The following PPP2R1A variants were observed in gnomAD, a reference collection of about 807,000 sequenced individuals.
PPP2R1A encodes the protein protein phosphatase 2 scaffold subunit Aalpha.
In PPP2R1A, 15 loss-of-function variants were observed where a neutral mutation model predicts 67.1. That is an observed-to-expected ratio of 0.22 (90% CI 0.15 to 0.34). PPP2R1A has a LOEUF of 0.34. Ranked by LOEUF, PPP2R1A falls within the 10% of genes least tolerant of loss-of-function variation. The pLI is 1.00. For missense variants in PPP2R1A, 369 were observed against 775.0 expected (o/e 0.48, Z 6.22); for synonymous variants, 337 against 325.0 (o/e 1.04, Z -0.40).
rs1433551062 is a variant in PPP2R1A, at chr19:52,212,559, A to G, written c.504-127A>G. 2 of 1,140,934 alleles carry G rather than the reference A, an allele frequency of 1.8e-6. No homozygotes were observed. Among genetic ancestry groups the G allele is most frequent in the African/African-American group, 1.6e-5 (1 of 64,452 alleles). 70.7% of individuals were successfully genotyped at this position (1,140,934 alleles called of 1,614,324 possible). ...CTCCGTTTCATAGGGCTGGGAAGACAGAGAGGGGGTCATCACTTGCCCAAG... is the reference window on the plus strand; with the variant it reads ...CTCCGTTTCATAGGGCTGGGAAGACGGAGAGGGGGTCATCACTTGCCCAAG... On this transcript the variant is annotated intron_variant, in intron 4 of 14. Transcript: ENST00000322088. The surrounding 1 kb of genome is among the most constrained non-coding windows in gnomAD (Gnocchi z 4.1).
At chr19:52,225,849 C>T (rs768645581) in intron 14 of PPP2R1A, 41 bp downstream of exon 14, 1 of 1,612,156 alleles carries the variant, frequency 6.2e-7, no homozygotes, top group Non-Finnish European at 8.5e-7. Flanking sequence ...GGAGGGTGGA[C>T]TTTGAGGACA....
rs183217525 is a variant in PPP2R1A at position 52,198,065 on chromosome 19, C to T, written c.79-3879C>T. Among the ~76,000 whole-genome samples, 252 of 152,262 alleles carry T rather than the reference C, an allele frequency of 1.7e-3. 2 individuals are homozygous for T. The highest frequency in any genetic ancestry group is 5.8e-3 in the African/African-American group (240 of 41,536). On this transcript the variant is annotated intron_variant, in intron 1 of 14. Coordinates refer to ENST00000322088, the MANE Select transcript of PPP2R1A (RefSeq NM_014225.6). ...GCCACGGCTGCCATTATTAATCTTCCCCTGGTGCTAGGGTGTCCCTGTAGA... is the reference window on the plus strand; with the variant it reads ...GCCACGGCTGCCATTATTAATCTTCTCCTGGTGCTAGGGTGTCCCTGTAGA...
intron 13 of PPP2R1A, among the ~76,000 whole-genome samples, chr19:52,223,785 ACT>A (rs1280787254): frequency 4.6e-5 from 7 of 152,096 alleles, no homozygotes; most frequent in South Asian, 2.1e-4. Context: ...GGGTTTGATC[ACT>A]CTGAAAACGG....
In PPP2R1A at chr19:52,212,859, C is replaced by A. The variant is rs768486061; in HGVS notation, c.651+26C>A. On this transcript the variant is annotated intron_variant, in intron 5 of 14. Transcript: ENST00000322088. The surrounding 1 kb of genome is among the most constrained non-coding windows in gnomAD (Gnocchi z 4.1). ...GTGAGTTTTGCTTCCTGGCCCTCTG[C>A]TCTCCCGTCCTTCTGGTGGTTCCTG... 2 of 1,578,666 alleles carry A rather than the reference C, an allele frequency of 1.3e-6. No homozygotes were observed. The highest frequency in any genetic ancestry group is 1.3e-5 in the African/African-American group (1 of 74,266).
At chr19:52,222,353 G>T in intron 13 of PPP2R1A, 112 bp downstream of exon 13, 1 of 1,427,786 alleles carries the variant, frequency 7.0e-7, no homozygotes, top group South Asian at 1.5e-5. Flanking sequence ...CTCCTTGCTT[G>T]CTGTGTGACC....
chr19:52,218,963 A>G (rs945672784), intron 9 of PPP2R1A, among the ~76,000 whole-genome samples: 4 of 152,234 alleles, frequency 2.6e-5, no homozygotes, highest in Non-Finnish European at 5.9e-5. Context: ...TGAGATTTCC[A>G]TTTTAGATTT....
chr19:52,209,690 G>A (rs2089645522), intron 3 of PPP2R1A, among the ~76,000 whole-genome samples: 1 of 151,714 alleles, frequency 6.6e-6, no homozygotes, highest in African/African-American at 2.4e-5. Flanking sequence ...CTCTCCCCCA[G>A]CCCCTGGCAG....
At chr19:52,203,659 G>A (rs1238506934) in intron 2 of PPP2R1A, among the ~76,000 whole-genome samples, 1 of 152,132 alleles carries the variant, frequency 6.6e-6, no homozygotes, top group Non-Finnish European at 1.5e-5. Context: ...CCCAAACTAA[G>A]CAGTGGACAG....
Position 52,228,942 on chromosome 19 carries a change from G to A in PPP2R1A, c.*2961G>A, listed in dbSNP as rs753751890. ...AGAATCACCATGCCCTTGACTCAGGGTGCAGAATCTGCCTATGGTGCTTGA... is the reference window on the plus strand; with the variant it reads ...AGAATCACCATGCCCTTGACTCAGGATGCAGAATCTGCCTATGGTGCTTGA... On this transcript the variant is annotated 3_prime_UTR_variant, in exon 15 of 15. Transcript: ENST00000322088. 6.6e-6 allele frequency: 1 copy of A among 152,246 alleles called. No individual in the cohort carries two copies. Among genetic ancestry groups the A allele is most frequent in the Non-Finnish European group, 1.5e-5 (1 of 68,080 alleles). The allele number at this position is 152,246 out of a possible 1,614,324, so 9.4% of individuals were successfully genotyped here.
In PPP2R1A at chr19:52,221,143, C is replaced by T. The variant is rs1479870946; in HGVS notation, c.1518+10C>T. 1.9e-6 allele frequency: 3 copies of T among 1,614,026 alleles called. No homozygotes were observed. Among genetic ancestry groups the T allele is most frequent in the African/African-American group, 2.7e-5 (2 of 74,940 alleles). On this transcript the variant is annotated intron_variant, in intron 12 of 14. Coordinates refer to ENST00000322088, the MANE Select transcript of PPP2R1A (RefSeq NM_014225.6). ...GCTCTTCTGCATCAATGTGAGCCTT[C>T]CACCTGCCTGCTGGCCCATCCCTAG...
intron 3 of PPP2R1A, among the ~76,000 whole-genome samples, chr19:52,209,038 T>C (rs1268939647): frequency 6.6e-6 from 1 of 152,186 alleles, no homozygotes; most frequent in African/African-American, 2.4e-5. Flanking sequence ...GGGCCCTGCC[T>C]CCAGATATTC....
intron 1 of PPP2R1A, among the ~76,000 whole-genome samples, chr19:52,191,979 G>T (rs73937434): frequency 2.0e-5 from 3 of 152,030 alleles, no homozygotes; most frequent in African/African-American, 7.2e-5. Context: ...AGGCCTTGGG[G>T]AGTTTATTTT....
At chr19:52,205,759 G>A (rs2089595399) in intron 2 of PPP2R1A, among the ~76,000 whole-genome samples, 1 of 152,196 alleles carries the variant, frequency 6.6e-6, no homozygotes, top group Non-Finnish European at 1.5e-5. Flanking sequence ...GAGGGCAGAA[G>A]CAGGACTTAG....
chr19:52,212,811 C>G lies in PPP2R1A; in HGVS notation c.629C>G (p.Ser210Cys), dbSNP rs2122335858. 1.2e-6 allele frequency: 2 copies of G among 1,606,856 alleles called. No individual in the cohort carries two copies. Among genetic ancestry groups the G allele is most frequent in the Non-Finnish European group, 1.7e-6 (2 of 1,175,434 alleles). ...NVKSEIIPMF[S>C]NLASDEQDSV... is the part of the protein sequence containing the mutation. The stretch of plus-strand genomic sequence containing the variant: ...AAGAGTGAGATCATCCCCATGTTCT[C>G]CAACCTGGCCTCTGACGAGCAGGTG... The change falls in exon 5 of 15, where the codon TCC (serine) becomes TGC (cysteine). Residue 210 changes from serine (S) to cysteine (C), a missense_variant. Ser to Cys is a moderately radical substitution (Grantham distance 112). Around this residue, in one of 2 missense-constraint regions of PPP2R1A, gnomAD observed 276 missense variants for 508.4 expected, o/e 0.54. Coordinates refer to ENST00000322088, the MANE Select transcript of PPP2R1A (RefSeq NM_014225.6). This position sits in a 1 kb window ranked among gnomAD's most constrained non-coding sequence, Gnocchi z 4.1.
chr19:52,200,910 C>T (rs1178595178), intron 1 of PPP2R1A, among the ~76,000 whole-genome samples: 5 of 152,360 alleles, frequency 3.3e-5, no homozygotes, highest in South Asian at 4.1e-4. Flanking sequence ...CACTTAACTA[C>T]GTCTGCAAAG....
rs147371763 is a variant in PPP2R1A at position 52,198,593 on chromosome 19, G to A, written c.79-3351G>A. On this transcript the variant is annotated intron_variant, in intron 1 of 14. Coordinates refer to ENST00000322088, the MANE Select transcript of PPP2R1A (RefSeq NM_014225.6). ...ATGGAGGAAGGGGCGGGGAGCTTTC[G>A]TGCCATCCCTGGGGATGCCACCCTC... Among the ~76,000 whole-genome samples the A allele has an allele frequency of 1.7e-4, 26 of 152,294 alleles. No individual in the cohort carries two copies. The South Asian group carries it at 4.2e-3, about 24-fold the overall frequency.
chr19:52,201,553 A>C (rs944986460), intron 1 of PPP2R1A: 4 of 182,680 alleles, frequency 2.2e-5, no homozygotes, highest in African/African-American at 4.7e-5. Flanking sequence ...GCACAGAGGA[A>C]GCGTGTTATA....
At chr19:52,210,379 C>G (rs191047476) in intron 3 of PPP2R1A, among the ~76,000 whole-genome samples, 3 of 152,194 alleles carry the variant, frequency 2.0e-5, no homozygotes, top group African/African-American at 4.8e-5. Context: ...ATTCAGTCAC[C>G]AGAGCTGTGT....
chr19:52,220,369 T>G, intron 11 of PPP2R1A, 120 bp downstream of exon 11: 1 of 1,065,566 alleles, frequency 9.4e-7, no homozygotes, highest in Non-Finnish European at 1.4e-6. Flanking sequence ...CGCTGGATGC[T>G]CGTATGGACC....
Sources: gnomAD v4.1 joint callset for allele counts (sites outside exome capture counted in the v4.1 genomes callset) on GRCh38, gnomAD v4.1.1 for gene constraint, gnomAD v4.1.1 regional missense constraint, Gnocchi (gnomAD v3.1) non-coding constraint, MANE v1.5 for transcripts, NCBI Gene and HGNC (gene_info 2026-07-23, HGNC 2026-07-21) for gene names.